The following NEXMIF variants were observed in gnomAD, a reference collection of about 807,000 sequenced individuals.
The protein encoded by NEXMIF is neurite extension and migration factor, also known as XLMR protein related to neurite extension.
Under a neutral mutation model 62.1 loss-of-function variants are expected in NEXMIF, and 8 were observed. The observed-to-expected ratio is 0.13, with a 90% CI of 0.08 to 0.23. The LOEUF is 0.23. Among genes scored for constraint, NEXMIF ranks in the 10% least tolerant of loss-of-function variants. The pLI is 1.00. For missense variants in NEXMIF, 976 were observed against 1,113.3 expected (o/e 0.88, Z 1.75); for synonymous variants, 404 against 416.6 (o/e 0.97, Z 0.37).
At chrX:74,919,065 T>A (rs2080817431) in intron 1 of NEXMIF, among the ~76,000 whole-genome samples, 1 of 112,679 alleles carries the variant, frequency 8.9e-6, no homozygotes, top group Non-Finnish European at 1.9e-5. Context: ...TATGCCCTTG[T>A]ATCTCACAAA....
intron 1 of NEXMIF, among the ~76,000 whole-genome samples, chrX:74,883,707 G>C (rs1288597559): frequency 8.9e-6 from 1 of 112,171 alleles, no homozygotes; most frequent in Non-Finnish European, 1.9e-5. Flanking sequence ...ATGGAACCAA[G>C]CTGGAAAACA....
At chrX:74,896,841 A>G (rs991824064) in intron 1 of NEXMIF, among the ~76,000 whole-genome samples, 1 of 112,036 alleles carries the variant, frequency 8.9e-6, no homozygotes, top group Non-Finnish European at 1.9e-5. Context: ...TTAGAATTTG[A>G]TAAGTGCTGA....
intron 1 of NEXMIF, among the ~76,000 whole-genome samples, chrX:74,875,717 T>G (rs1208644546): frequency 8.9e-6 from 1 of 112,145 alleles, no homozygotes; most frequent in Non-Finnish European, 1.9e-5. Context: ...CCTGGTTTAG[T>G]CTTGGGAGAG....
intron 1 of NEXMIF, among the ~76,000 whole-genome samples, chrX:74,874,675 G>C (rs2080621570): frequency 1.1e-5 from 1 of 91,797 alleles, no homozygotes; most frequent in Non-Finnish European, 2.1e-5. Context: ...TCCTTGAGCA[G>C]TGGTTTGTAG....
intron 1 of NEXMIF, among the ~76,000 whole-genome samples, chrX:74,833,996 T>C (rs763782673): frequency 9.2e-6 from 1 of 108,701 alleles, no homozygotes; most frequent in South Asian, 4.1e-4. Flanking sequence ...TAGCCAGGCA[T>C]GGTGGTGCAT....
chrX:74,905,468 A>G (rs6647569), intron 1 of NEXMIF, among the ~76,000 whole-genome samples: 16,482 of 111,913 alleles, frequency 0.15, 1,790 homozygotes, highest in East Asian at 0.91. Flanking sequence ...AGATCCAAGT[A>G]TTTCTTATAT....
At chrX:74,739,570 G>A in intron 3 of NEXMIF, 72 bp from the exon 4 acceptor site, 1 of 644,136 alleles carries the variant, frequency 1.6e-6, no homozygotes, top group Non-Finnish European at 2.4e-6. Context: ...GATCATACAA[G>A]CTAAATTTGT....
intron 1 of NEXMIF, among the ~76,000 whole-genome samples, chrX:74,907,516 G>C (rs767288706): frequency 9.1e-6 from 1 of 110,448 alleles, no homozygotes; most frequent in Non-Finnish European, 1.9e-5. Context: ...TGCCACCATA[G>C]AAACTGTTAC....
chrX:74,897,567 A>G (rs1336176517), intron 1 of NEXMIF, among the ~76,000 whole-genome samples: 1 of 111,429 alleles, frequency 9.0e-6, no homozygotes, highest in East Asian at 2.8e-4. Flanking sequence ...GAGGTATTTC[A>G]GGTAACTGAC....
At chrX:74,884,761 T>C (rs899921998) in intron 1 of NEXMIF, among the ~76,000 whole-genome samples, 4 of 111,059 alleles carry the variant, frequency 3.6e-5, no homozygotes, top group African/African-American at 9.8e-5. Context: ...AACAAGGATA[T>C]CCAGGAATTG....
chrX:74,879,381 A>G (rs1316930687), intron 1 of NEXMIF, among the ~76,000 whole-genome samples: 1 of 112,469 alleles, frequency 8.9e-6, no homozygotes, highest in Non-Finnish European at 1.9e-5. Flanking sequence ...CCACACCTGA[A>G]CACGTTATAA....
At chrX:74,794,681 C>T (rs1045257281) in intron 1 of NEXMIF, among the ~76,000 whole-genome samples, 3 of 111,914 alleles carry the variant, frequency 2.7e-5, no homozygotes, top group Admixed American at 1.9e-4. Flanking sequence ...TCTCGTGGTG[C>T]GCCTTTTTTT....
chrX:74,799,588 T>A (rs113446686), intron 1 of NEXMIF, among the ~76,000 whole-genome samples: 2,239 of 112,100 alleles, frequency 0.02, 26 homozygotes, highest in Middle Eastern at 0.037. Flanking sequence ...TTGAGGGATC[T>A]AGCTCAAATA....
intron 1 of NEXMIF, among the ~76,000 whole-genome samples, chrX:74,812,805 C>G (rs1000915037): frequency 1.8e-5 from 2 of 111,861 alleles, no homozygotes; most frequent in East Asian, 5.6e-4. Flanking sequence ...TGTAGGATCT[C>G]AGAGACCTTA....
chrX:74,801,833 C>T (rs188516364), intron 1 of NEXMIF, among the ~76,000 whole-genome samples: 238 of 112,179 alleles, frequency 2.1e-3, no homozygotes, highest in Non-Finnish European at 3.2e-3. Flanking sequence ...GAGCCCACTG[C>T]CCTGAAAGGA....
chrX:74,878,759 C>T (rs1198843600), intron 1 of NEXMIF, among the ~76,000 whole-genome samples: 1 of 112,354 alleles, frequency 8.9e-6, no homozygotes, highest in Non-Finnish European at 1.9e-5. Context: ...TTTCCAGGTG[C>T]CGTCTGTCAC....
At chrX:74,842,035 A>C (rs970194861) in intron 1 of NEXMIF, among the ~76,000 whole-genome samples, 1 of 111,642 alleles carries the variant, frequency 9.0e-6, no homozygotes, top group African/African-American at 3.3e-5. Context: ...AACTTTTTGG[A>C]ATAGTTTCTG....
intron 1 of NEXMIF, among the ~76,000 whole-genome samples, chrX:74,851,176 T>C (rs888559866): frequency 3.6e-5 from 4 of 111,166 alleles, no homozygotes; most frequent in African/African-American, 1.3e-4. Flanking sequence ...AGTCAAATTT[T>C]TTTTAAAGAA....
At chrX:74,866,499 G>A in intron 1 of NEXMIF, among the ~76,000 whole-genome samples, 1 of 111,996 alleles carries the variant, frequency 8.9e-6, no homozygotes, top group Middle Eastern at 4.6e-3. Flanking sequence ...TTAAGACTTT[G>A]GGGGACTGTT....
Sources: allele counts gnomAD v4.1 joint callset (sites outside exome capture counted in the v4.1 genomes callset), GRCh38; gene constraint gnomAD v4.1.1; transcripts MANE v1.5; gene names NCBI Gene and HGNC (gene_info 2026-07-23, HGNC 2026-07-21).